Variants in WRN observed in about 807,000 individuals in gnomAD.
WRN encodes WRN RecQ like helicase, also known as bifunctional 3'-5' exonuclease/ATP-dependent helicase WRN.
Under a neutral mutation model 180.7 loss-of-function variants are expected in WRN, and 149 were observed. The observed-to-expected ratio is 0.82, with a 90% CI of 0.72 to 0.94. The LOEUF (loss-of-function observed/expected upper bound fraction) is 0.94. Ranked by LOEUF, WRN falls within the 40% of genes least tolerant of loss-of-function variation. The pLI, the probability that WRN is intolerant of heterozygous loss-of-function variation, is 0.00. For missense variants in WRN, 1,661 were observed against 1,700.1 expected (o/e 0.98, Z 0.40); for synonymous variants, 548 against 568.9 (o/e 0.96, Z 0.52).
chr8:31,173,139 A>T lies in WRN; in HGVS notation c.*37A>T. On this transcript the variant is annotated 3_prime_UTR_variant, in exon 35 of 35. Transcript: ENST00000298139. Reference sequence around the variant, plus strand: ...CCAGAACAATTATGTTTCTTGCTGTATTATAAGAGGATAGCTATATTTTAT... The same window carrying T: ...CCAGAACAATTATGTTTCTTGCTGTTTTATAAGAGGATAGCTATATTTTAT... 6.4e-7 allele frequency: 1 copy of T among 1,560,726 alleles called. No individual in the cohort carries two copies. The highest frequency in any genetic ancestry group is 8.8e-7 in the Non-Finnish European group (1 of 1,132,444).
chr8:31,097,858 C>G (rs975535501), intron 17 of WRN, among the ~76,000 whole-genome samples: 4 of 152,106 alleles, frequency 2.6e-5, no homozygotes, highest in African/African-American at 9.7e-5. Context: ...GCAAATGCCC[C>G]TATTTCCCAC....
chr8:31,120,128 C>T lies in WRN; in HGVS notation c.2449-115C>T, dbSNP rs1585482838. On this transcript the variant is annotated intron_variant, in intron 20 of 34. Coordinates refer to ENST00000298139, the MANE Select transcript of WRN (RefSeq NM_000553.6). ...GATTGGTTGAAATCACATTGAATTC[C>T]ACTTTGTGCCAGGGACTTAAGTTAA... 9.7e-6 allele frequency: 12 copies of T among 1,238,718 alleles called. No individual in the cohort carries two copies. The East Asian group carries it at 2.6e-4, about 27-fold the overall frequency. 76.7% of individuals were successfully genotyped at this position (1,238,718 alleles called of 1,614,324 possible). A position where few individuals can be genotyped will look rare whatever the true frequency, so the allele number is the denominator to read the frequency against.
rs1012302654 is a variant in WRN, at chr8:31,100,917, T to G, written c.2050T>G (p.Phe684Val). 1 of 1,614,122 alleles carries G rather than the reference T, an allele frequency of 6.2e-7. No homozygotes were observed. The highest frequency in any genetic ancestry group is 8.5e-7 in the Non-Finnish European group (1 of 1,180,006). The change falls in exon 18 of 35, where the codon TTC becomes GTC. Residue 684 changes from phenylalanine to valine, a missense_variant. This residue lies in a region of WRN where 1,141 missense variants were observed against 1,149.4 expected (regional missense o/e 0.99). Transcript: ENST00000298139. The stretch of plus-strand genomic sequence containing the variant: ...GTGGGGGCATGATTTTAGGGATTCA[T>G]TCAGGAAGTTGGGCTCCCTAAAGAC... ...SEWGHDFRDS[F>V]RKLGSLKTAL...
chr8:31,070,103 A>G (rs965195544), intron 7 of WRN, among the ~76,000 whole-genome samples: 1 of 151,758 alleles, frequency 6.6e-6, no homozygotes, highest in Non-Finnish European at 1.5e-5. Context: ...CTCAGATTCC[A>G]GTGAATTGTA....
In WRN at chr8:31,064,531, C is replaced by G. The variant is rs1812619802; in HGVS notation, c.355+97C>G. On this transcript the variant is annotated intron_variant, in intron 4 of 34. Coordinates refer to ENST00000298139, the MANE Select transcript of WRN (RefSeq NM_000553.6). ...AGTTCTTTTATTAGCTGGCCGTTCT[C>G]TCATTATCTCAAATTTATTTAAGTA... is the stretch of plus-strand genomic sequence containing the variant. The G allele has an allele frequency of 2.0e-6, 3 of 1,500,020 alleles. No homozygotes were observed. The East Asian group carries it at 6.8e-5, about 34-fold the overall frequency. 92.9% of individuals were successfully genotyped at this position (1,500,020 alleles called of 1,614,324 possible). A position where few individuals can be genotyped will look rare whatever the true frequency, so the allele number is the denominator to read the frequency against.
intron 17 of WRN, among the ~76,000 whole-genome samples, chr8:31,097,463 G>A (rs1227513988): frequency 6.6e-6 from 1 of 152,138 alleles, no homozygotes; most frequent in Non-Finnish European, 1.5e-5. Context: ...TGCCACTAGT[G>A]AGTATGATTT....
In WRN at chr8:31,143,591, G is replaced by C. The variant is rs774886450; in HGVS notation, c.3351G>C (p.Lys1117Asn). Residue 1117 changes from lysine to asparagine, a missense_variant, in exon 28 of 35, where the codon AAG (lysine) becomes AAC (asparagine). Physicochemically the swap from Lys to Asn is moderately conservative, Grantham distance 94 (BLOSUM62 0). This residue lies in a region of WRN where 1,141 missense variants were observed against 1,149.4 expected (regional missense o/e 0.99). Coordinates refer to ENST00000298139, the MANE Select transcript of WRN (RefSeq NM_000553.6). ...EKLYSYKPCD[K>N]ISSGSNISKK... ...TATATTCTTATAAACCATGTGATAA[G>C]ATTTCTTCTGGGAGTAACATTTCTA... The C allele has an allele frequency of 1.3e-6, 2 of 1,590,820 alleles. No homozygotes were observed. Among genetic ancestry groups the C allele is most frequent in the Non-Finnish European group, 1.7e-6 (2 of 1,160,114 alleles).
At chr8:31,066,928 G>A (rs1812728333) in intron 5 of WRN, 105 bp from the exon 6 acceptor site, 9 of 1,407,752 alleles carry the variant, frequency 6.4e-6, no homozygotes, top group Non-Finnish European at 7.9e-6. Context: ...TTGTATTTTG[G>A]TATAACATTT....
At chr8:31,096,937 G>T in intron 17 of WRN, 87 bp downstream of exon 17, 1 of 1,262,646 alleles carries the variant, frequency 7.9e-7, no homozygotes, top group African/African-American at 1.5e-5. Flanking sequence ...TTTCACTTCT[G>T]TTAAAGTTTA....
intron 34 of WRN, among the ~76,000 whole-genome samples, chr8:31,170,568 T>C (rs890401917): frequency 6.6e-6 from 1 of 152,186 alleles, no homozygotes; most frequent in Admixed American, 6.5e-5. Context: ...ACTTACATAT[T>C]TCTGTATTTG....
At chr8:31,126,805 T>C (rs1403581342) in intron 23 of WRN, among the ~76,000 whole-genome samples, 1 of 152,048 alleles carries the variant, frequency 6.6e-6, no homozygotes, top group Non-Finnish European at 1.5e-5. Flanking sequence ...GCTCATTCTG[T>C]ATAAAGATCA....
At chr8:31,148,048 A>G (rs1802937515) in intron 30 of WRN, among the ~76,000 whole-genome samples, 1 of 151,938 alleles carries the variant, frequency 6.6e-6, no homozygotes, top group African/African-American at 2.4e-5. Context: ...CACCATGCTC[A>G]GCTAATTTTT....
At chr8:31,053,570 TCTTA>T (rs1426622234) in intron 1 of WRN, among the ~76,000 whole-genome samples, 1 of 152,218 alleles carries the variant, frequency 6.6e-6, no homozygotes, top group Non-Finnish European at 1.5e-5. Flanking sequence ...TGTGAGCGAT[TCTTA>T]CTTTGCAGAT....
At chr8:31,061,269 A>G (rs899208823) in intron 3 of WRN, among the ~76,000 whole-genome samples, 1 of 151,848 alleles carries the variant, frequency 6.6e-6, no homozygotes, top group Admixed American at 6.6e-5. Context: ...TGTTTATACC[A>G]TCCTGTGAAT....
At chr8:31,156,393 G>T (rs375475363) in intron 32 of WRN, among the ~76,000 whole-genome samples, 1 of 152,144 alleles carries the variant, frequency 6.6e-6, no homozygotes, top group Non-Finnish European at 1.5e-5. Context: ...CCAGTTAACC[G>T]CAGAATTAAA....
chr8:31,158,361 A>G (rs1803471857), intron 33 of WRN, among the ~76,000 whole-genome samples: 1 of 151,976 alleles, frequency 6.6e-6, no homozygotes, highest in Non-Finnish European at 1.5e-5. Flanking sequence ...CGCGGAGAGC[A>G]AGCCCCTTTG....
At position 31,166,969 on chromosome 8, in the gene WRN, C is replaced by G. The variant is rs1033900541; in HGVS notation, c.3983-53C>G. 4.6e-6 allele frequency: 7 copies of G among 1,529,356 alleles called. No homozygotes were observed. In the South Asian group the frequency reaches 4.7e-5, roughly 10 times the overall value. The allele number at this position is 1,529,356 out of a possible 1,614,324, so 94.7% of individuals were successfully genotyped here. A position where few individuals can be genotyped will look rare whatever the true frequency, so the allele number is the denominator to read the frequency against. Reference sequence around the variant, plus strand: ...TCAGTATTTCTAGCTCATAGGTTTTCTAAAATATTCTCTGTAATTTATTTT... The same window carrying G: ...TCAGTATTTCTAGCTCATAGGTTTTGTAAAATATTCTCTGTAATTTATTTT... On this transcript the variant is annotated intron_variant, in intron 33 of 34. Coordinates refer to ENST00000298139, the MANE Select transcript of WRN (RefSeq NM_000553.6).
At chr8:31,050,367 T>A (rs931357291) in intron 1 of WRN, among the ~76,000 whole-genome samples, 2 of 152,184 alleles carry the variant, frequency 1.3e-5, no homozygotes, top group Non-Finnish European at 2.9e-5. Flanking sequence ...TATTAGAGTC[T>A]GAGTTTTAAA....
At chr8:31,135,801 C>CTCTTT (rs1554531490) in intron 24 of WRN, among the ~76,000 whole-genome samples, 3 of 150,970 alleles carry the variant, frequency 2.0e-5, no homozygotes, top group Non-Finnish European at 2.9e-5. Context: ...GTCTTTTCTT[C>CTCTTT]TCTCTTCTCT....
Sources: gnomAD v4.1 joint callset for allele counts (sites outside exome capture counted in the v4.1 genomes callset) on GRCh38, gnomAD v4.1.1 for gene constraint, gnomAD v4.1.1 regional missense constraint, MANE v1.5 for transcripts, NCBI Gene and HGNC (gene_info 2026-07-23, HGNC 2026-07-21) for gene names.